The following ZNF827 variants were observed in gnomAD, a reference collection of about 807,000 sequenced individuals.
The protein encoded by ZNF827 is zinc finger protein 827.
A neutral mutation model predicts 102.4 loss-of-function variants in ZNF827; 13 were observed. The observed-to-expected ratio is 0.13, with a 90% CI of 0.08 to 0.20. The LOEUF (loss-of-function observed/expected upper bound fraction) is 0.20. Among genes scored for constraint, ZNF827 ranks in the 10% least tolerant of loss-of-function variants. The pLI is 1.00. For missense variants in ZNF827, 1,103 were observed against 1,344.4 expected, an observed-to-expected ratio of 0.82 and a Z score of 2.81; for synonymous variants, 523 against 536.2, an observed-to-expected ratio of 0.98 and a Z score of 0.34.
chr4:145,928,589 A>T (rs2126986344), intron 1 of ZNF827, among the ~76,000 whole-genome samples: 1 of 152,344 alleles, frequency 6.6e-6, no homozygotes, highest in African/African-American at 2.4e-5. Context: ...AGTCTCAGAG[A>T]ACCTACAATG....
At chr4:145,789,535 T>C (rs903780900) in intron 8 of ZNF827, among the ~76,000 whole-genome samples, 11 of 152,316 alleles carry the variant, frequency 7.2e-5, no homozygotes, top group African/African-American at 2.4e-4. Flanking sequence ...GACACTATTA[T>C]TATCATTCTT....
At chr4:145,908,161 A>G (rs771749732) in intron 1 of ZNF827, among the ~76,000 whole-genome samples, 5 of 152,228 alleles carry the variant, frequency 3.3e-5, no homozygotes, top group Non-Finnish European at 5.9e-5. Flanking sequence ...TGCACAGTGA[A>G]AAAAATATAT....
At chr4:145,785,625 T>C (rs1381235334) in intron 8 of ZNF827, among the ~76,000 whole-genome samples, 1 of 152,186 alleles carries the variant, frequency 6.6e-6, no homozygotes, top group Non-Finnish European at 1.5e-5. Context: ...AGGAGGAACC[T>C]GAACGATCAT....
rs1170536544 is a variant in ZNF827, at chr4:145,793,248, GATAT to G, written c.2384-13741_2384-13738del. ...GTTCCCTAGAGTGACAGAACTAAGAGATATATATATATATATCTCTTATATATAT... is the reference window on the plus strand; with the variant it reads ...GTTCCCTAGAGTGACAGAACTAAGAGATATATATATATCTCTTATATATAT... On this transcript the variant is annotated intron_variant, in intron 8 of 14. Transcript: ENST00000508784. 1.0e-4 allele frequency among the ~76,000 whole-genome samples: 5 copies of G among 47,664 alleles called. No homozygotes were observed. The South Asian group carries it at 3.7e-3, about 35-fold the overall frequency. 31.3% of individuals were successfully genotyped at this position (47,664 alleles called of 152,430 possible).
intron 4 of ZNF827, among the ~76,000 whole-genome samples, chr4:145,883,605 T>C (rs1749862660): frequency 6.6e-6 from 1 of 152,206 alleles, no homozygotes; most frequent in Non-Finnish European, 1.5e-5. Flanking sequence ...CCATGCATCA[T>C]ACACAAGTGT....
chr4:145,883,093 T>A (rs1315316525), intron 4 of ZNF827, among the ~76,000 whole-genome samples: 1 of 151,398 alleles, frequency 6.6e-6, no homozygotes, highest in Non-Finnish European at 1.5e-5. Context: ...CTAGAAAATG[T>A]ATTCCTTTCC....
intron 11 of ZNF827, among the ~76,000 whole-genome samples, chr4:145,770,075 ATTGC>A (rs1340050403): frequency 6.6e-6 from 1 of 152,080 alleles, no homozygotes; most frequent in East Asian, 1.9e-4. Flanking sequence ...AGGTGGGTGA[ATTGC>A]CTGAGGCCAG....
At chr4:145,807,279 A>G (rs1285215360) in intron 8 of ZNF827, among the ~76,000 whole-genome samples, 1 of 152,246 alleles carries the variant, frequency 6.6e-6, no homozygotes, top group Non-Finnish European at 1.5e-5. Flanking sequence ...TCAGAGCACC[A>G]TGAATCTTAC....
chr4:145,893,844 T>C (rs1435268340), intron 2 of ZNF827, among the ~76,000 whole-genome samples: 1 of 152,080 alleles, frequency 6.6e-6, no homozygotes, highest in Non-Finnish European at 1.5e-5. Flanking sequence ...ATCTATAATG[T>C]GTGAATTCCT....
intron 4 of ZNF827, among the ~76,000 whole-genome samples, chr4:145,885,032 G>A (rs895884341): frequency 5.3e-5 from 8 of 151,810 alleles, no homozygotes; most frequent in African/African-American, 1.9e-4. Flanking sequence ...GGGGGTCAAT[G>A]GTTTGCACAA....
At chr4:145,815,531 T>C (rs1481953934) in intron 8 of ZNF827, among the ~76,000 whole-genome samples, 4 of 152,186 alleles carry the variant, frequency 2.6e-5, no homozygotes, top group Non-Finnish European at 5.9e-5. Context: ...ATAGATTTGT[T>C]TGAATGAAAA....
chr4:145,938,594 T>G lies in ZNF827; in HGVS notation c.-187A>C, dbSNP rs933505922. On this transcript the variant is annotated 5_prime_UTR_variant, in exon 1 of 15. Transcript: ENST00000508784. ...TGTTTCCTGGAGCCAGAAGAGGGGT[T>G]TTCTTCTTTTCTTTCCTTTCTTTTT... 14 of 552,080 alleles carry G rather than the reference T, an allele frequency of 2.5e-5. No individual in the cohort carries two copies. Among genetic ancestry groups the G allele is most frequent in the Non-Finnish European group, 4.5e-5 (14 of 310,252 alleles). 34.2% of individuals were successfully genotyped at this position (552,080 alleles called of 1,614,324 possible). A position where few individuals can be genotyped will look rare whatever the true frequency, so the allele number is the denominator to read the frequency against.
At chr4:145,806,841 C>T (rs1048777189) in intron 8 of ZNF827, among the ~76,000 whole-genome samples, 1 of 152,168 alleles carries the variant, frequency 6.6e-6, no homozygotes, top group African/African-American at 2.4e-5. Flanking sequence ...GACAGTACAA[C>T]AGACTGTCCC....
At chr4:145,901,128 C>T (rs546007325) in intron 2 of ZNF827, among the ~76,000 whole-genome samples, 11 of 152,210 alleles carry the variant, frequency 7.2e-5, no homozygotes, top group African/African-American at 1.2e-4. Flanking sequence ...GTGATCGTTC[C>T]GTCAATTATT....
At chr4:145,859,858 G>T (rs7656826) in intron 5 of ZNF827, among the ~76,000 whole-genome samples, 6,878 of 152,204 alleles carry the variant, frequency 0.045, 387 homozygotes, top group East Asian at 0.16. Context: ...AGAGCTGAAC[G>T]TCAGGCAGGA....
intron 5 of ZNF827, among the ~76,000 whole-genome samples, chr4:145,854,154 T>C (rs1343800070): frequency 2.6e-5 from 4 of 151,920 alleles, no homozygotes; most frequent in African/African-American, 7.3e-5. Context: ...TTTGGAAGTC[T>C]TCCTCACTAG....
intron 10 of ZNF827, among the ~76,000 whole-genome samples, 162 bp downstream of exon 10, chr4:145,775,627 T>C (rs1178771043): frequency 1.3e-5 from 2 of 152,158 alleles, no homozygotes; most frequent in African/African-American, 2.4e-5. Context: ...GAGGAGTCTG[T>C]GCAACTGCAG....
At chr4:145,805,371 G>A (rs936373379) in intron 8 of ZNF827, among the ~76,000 whole-genome samples, 12 of 150,452 alleles carry the variant, frequency 8.0e-5, no homozygotes, top group Non-Finnish European at 1.5e-4. Flanking sequence ...AACTGATTAG[G>A]AAAAAAAAAT....
At chr4:145,923,580 G>C (rs1753227580) in intron 1 of ZNF827, among the ~76,000 whole-genome samples, 1 of 152,052 alleles carries the variant, frequency 6.6e-6, no homozygotes, top group South Asian at 2.1e-4. Context: ...TCCAGCCTGG[G>C]CAACAGAGGG....
Sources: gnomAD v4.1 joint callset for allele counts (sites outside exome capture counted in the v4.1 genomes callset) on GRCh38, gnomAD v4.1.1 for gene constraint, MANE v1.5 for transcripts, NCBI Gene and HGNC (gene_info 2026-07-23, HGNC 2026-07-21) for gene names.